GPC5: variants seen among roughly 807,000 people sequenced by gnomAD.
GPC5 encodes the protein glypican-5.
In GPC5, 47 loss-of-function variants were observed where a neutral mutation model predicts 53.9. The observed-to-expected ratio is 0.87, with a 90% CI of 0.69 to 1.11. The LOEUF is 1.11. GPC5 is among the 50% of genes most tolerant of loss of function. The pLI is 0.00. For synonymous variants in GPC5, 286 were observed against 263.3 expected, an observed-to-expected ratio of 1.09 and a Z score of -0.84; for missense variants, 748 against 713.1, an observed-to-expected ratio of 1.05 and a Z score of -0.56.
intron 1 of GPC5, among the ~76,000 whole-genome samples, chr13:91,415,741 G>A (rs1396250644): frequency 9.6e-5 from 14 of 146,140 alleles, no homozygotes; most frequent in African/African-American, 1.9e-4. Flanking sequence ...GTCTTTTTGC[G>A]GGGGTGGGGG....
At chr13:91,662,745 T>C (rs1699100192) in intron 2 of GPC5, among the ~76,000 whole-genome samples, 1 of 152,196 alleles carries the variant, frequency 6.6e-6, no homozygotes, top group African/African-American at 2.4e-5. Flanking sequence ...ATTATTACCA[T>C]ATTACCATCT....
intron 6 of GPC5, among the ~76,000 whole-genome samples, chr13:91,985,477 ATTTG>A (rs2040398335): frequency 6.9e-6 from 1 of 145,712 alleles, no homozygotes; most frequent in Non-Finnish European, 1.5e-5. Flanking sequence ...TCATCTTTCT[ATTTG>A]TTTTTTACTT....
intron 6 of GPC5, among the ~76,000 whole-genome samples, chr13:92,033,404 A>G (rs1282694520): frequency 6.6e-6 from 1 of 152,152 alleles, no homozygotes; most frequent in African/African-American, 2.4e-5. Flanking sequence ...ATCTGTCACA[A>G]AGTACTCTCA....
chr13:91,811,451 G>A (rs1035613382), intron 5 of GPC5, among the ~76,000 whole-genome samples: 9 of 151,984 alleles, frequency 5.9e-5, no homozygotes, highest in Non-Finnish European at 2.9e-5. Flanking sequence ...ATGATAAACA[G>A]TATATTAACA....
At chr13:92,573,719 A>G (rs1183036448) in intron 7 of GPC5, among the ~76,000 whole-genome samples, 1 of 152,128 alleles carries the variant, frequency 6.6e-6, no homozygotes, top group Non-Finnish European at 1.5e-5. Flanking sequence ...AGCTCCTACC[A>G]TGTGGCTAAA....
At chr13:92,803,561 G>A (rs72632636) in intron 7 of GPC5, among the ~76,000 whole-genome samples, 8,346 of 151,748 alleles carry the variant, frequency 0.055, 556 homozygotes, top group East Asian at 0.34. Flanking sequence ...TAGTCTCCTC[G>A]AAATAATTAT....
chr13:91,570,272 A>G (rs553627534), intron 2 of GPC5, among the ~76,000 whole-genome samples: 8 of 152,324 alleles, frequency 5.3e-5, no homozygotes, highest in Admixed American at 3.3e-4. Context: ...GCATCACAAC[A>G]GGTTGAACAT....
At chr13:91,489,973 G>T (rs367757551) in intron 2 of GPC5, among the ~76,000 whole-genome samples, 39 of 152,238 alleles carry the variant, frequency 2.6e-4, no homozygotes, top group African/African-American at 8.9e-4. Flanking sequence ...AAAGGCGGAG[G>T]GGGGAGTGAG....
chr13:92,275,451 A>C (rs1307436522), intron 7 of GPC5, among the ~76,000 whole-genome samples: 1 of 152,150 alleles, frequency 6.6e-6, no homozygotes, highest in Non-Finnish European at 1.5e-5. Context: ...ATTTTATAAC[A>C]GGACATAATT....
intron 2 of GPC5, among the ~76,000 whole-genome samples, chr13:91,583,569 A>C (rs1047281890): frequency 6.6e-6 from 1 of 150,722 alleles, no homozygotes; most frequent in African/African-American, 2.4e-5. Flanking sequence ...AAGCAGATAC[A>C]CAAACTCAGA....
At chr13:92,242,768 T>G (rs991752634) in intron 7 of GPC5, among the ~76,000 whole-genome samples, 3 of 152,138 alleles carry the variant, frequency 2.0e-5, no homozygotes, top group African/African-American at 7.2e-5. Flanking sequence ...TTAGTCTTTA[T>G]GTTACACAGA....
chr13:91,538,817 CA>C (rs1886711538), intron 2 of GPC5, among the ~76,000 whole-genome samples: 1 of 149,490 alleles, frequency 6.7e-6, no homozygotes, highest in African/African-American at 2.5e-5. Context: ...CTCCTGACCT[CA>C]TGGTCCACCC....
chr13:91,907,929 C>A lies in GPC5; in HGVS notation c.1281-8C>A. On this transcript the variant is annotated splice_region_variant and splice_polypyrimidine_tract_variant and intron_variant, in intron 5 of 7. Transcript: ENST00000377067. ...ACTAAGTCATATCTTTCACATTTCC[C>A]TTGCTAGTTATACTCAGCGTGTGGT... is the stretch of plus-strand genomic sequence containing the variant. 6.3e-7 allele frequency: 1 copy of A among 1,594,166 alleles called. No homozygotes were observed. Among genetic ancestry groups the A allele is most frequent in the Non-Finnish European group, 8.5e-7 (1 of 1,178,116 alleles).
At chr13:92,602,257 TATATATG>T (rs1884101720) in intron 7 of GPC5, among the ~76,000 whole-genome samples, 1 of 123,636 alleles carries the variant, frequency 8.1e-6, no homozygotes, top group African/African-American at 2.8e-5. Context: ...TATATATATA[TATATATG>T]CACACACACA....
chr13:92,345,337 T>A (rs1224155819), intron 7 of GPC5, among the ~76,000 whole-genome samples: 2 of 152,152 alleles, frequency 1.3e-5, no homozygotes, highest in Non-Finnish European at 2.9e-5. Context: ...ATATAAAGTA[T>A]ACTTTCTAAT....
intron 7 of GPC5, among the ~76,000 whole-genome samples, chr13:92,182,582 T>C (rs531892132): frequency 6.6e-6 from 1 of 152,332 alleles, no homozygotes; most frequent in African/African-American, 2.4e-5. Flanking sequence ...AACCATATTT[T>C]GGTGAGTTTC....
At position 91,398,764 on chromosome 13, in the gene GPC5, C is replaced by T; in HGVS notation, c.-283C>T. 2.6e-6 allele frequency: 1 copy of T among 389,126 alleles called. No individual in the cohort carries two copies. Among genetic ancestry groups the T allele is most frequent in the South Asian group, 5.9e-5 (1 of 16,828 alleles). The allele number at this position is 389,126 out of a possible 1,614,324, so 24.1% of individuals were successfully genotyped here. On this transcript the variant is annotated 5_prime_UTR_variant, in exon 1 of 8. Transcript: ENST00000377067. ...GATGCTTGCGGGCTCCCTGCGGCTC[C>T]ACTAGTTTTCTTCGCCCCGCCCAGC...
chr13:92,353,266 C>CGAAAAAAAAA (rs2043495064), intron 7 of GPC5, among the ~76,000 whole-genome samples: 1 of 66,952 alleles, frequency 1.5e-5, no homozygotes, highest in African/African-American at 5.9e-5. Context: ...GACTCCGTCT[C>CGAAAAAAAAA]AAAAAAAAAA....
chr13:92,325,891 G>A (rs905752679), intron 7 of GPC5, among the ~76,000 whole-genome samples: 1 of 152,054 alleles, frequency 6.6e-6, no homozygotes, highest in Admixed American at 6.6e-5. Context: ...CTATACTTTT[G>A]GGATTGATGG....
Sources: gnomAD v4.1 joint callset for allele counts (sites outside exome capture counted in the v4.1 genomes callset) on GRCh38, gnomAD v4.1.1 for gene constraint, MANE v1.5 for transcripts, NCBI Gene and HGNC (gene_info 2026-07-23, HGNC 2026-07-21) for gene names.